Variants in RIPK1 observed in about 807,000 individuals in gnomAD.
RIPK1 encodes the protein receptor interacting serine/threonine kinase 1.
RIPK1 carries 27 observed loss-of-function variants against 62.4 expected under a neutral mutation model. The ratio of observed to expected loss-of-function variants is 0.43; its 90% CI spans 0.32 to 0.60. RIPK1 has a LOEUF of 0.60. RIPK1 is among the 20% of genes least tolerant of loss of function. The pLI, the probability that RIPK1 is intolerant of heterozygous loss-of-function variation, is 0.07. For synonymous variants in RIPK1, 287 were observed against 303.2 expected (o/e 0.95, Z 0.55); for missense variants, 735 against 831.0 (o/e 0.88, Z 1.42).
At chr6:3,112,021 T>C (rs3823098) in intron 10 of RIPK1, among the ~76,000 whole-genome samples, 6,644 of 152,272 alleles carry the variant, frequency 0.044, 305 homozygotes, top group African/African-American at 0.1. Context: ...ATTTTTTTTG[T>C]TGTGGTTGTT....
rs747615900 is a variant in RIPK1, at chr6:3,077,972, T to A, written c.321+37T>A. 1.9e-6 allele frequency: 3 copies of A among 1,607,384 alleles called. No homozygotes were observed. The South Asian group carries it at 3.3e-5, about 18-fold the overall frequency. ...CCCTCCGCACGGGGATCCCCAGCGC[T>A]TGGGCCCTGGCTGTCTGTTATGGCT... On this transcript the variant is annotated intron_variant, in intron 3 of 10. Transcript: ENST00000259808.
At position 3,089,650 on chromosome 6, in the gene RIPK1, G is replaced by A. The variant is rs1249583375; in HGVS notation, c.908G>A (p.Ser303Asn). Reference protein sequence around the residue: ...LEESVEEDVKSLKKEYSNENA... With the variant: ...LEESVEEDVKNLKKEYSNENA... ...GAAAGTGTAGAAGAGGACGTGAAGA[G>A]TTTAAAGGTAGGCAATATAGCAGAT... The change falls in exon 7 of 11, where the codon AGT becomes AAT. Residue 303 changes from serine to asparagine, a missense_variant. This residue lies in a region of RIPK1 where 671 missense variants were observed against 726.2 expected (regional missense o/e 0.92). Coordinates refer to ENST00000259808, the MANE Select transcript of RIPK1 (RefSeq NM_001354930.2). 2 of 1,565,156 alleles carry A rather than the reference G, an allele frequency of 1.3e-6. No homozygotes were observed. The highest frequency in any genetic ancestry group is 3.5e-5 in the Admixed American group (2 of 57,348).
At position 3,083,276 on chromosome 6, in the gene RIPK1, A is replaced by T. The variant is rs1231996273; in HGVS notation, c.651A>T (p.Val217=). ...CGGATGTGTACAGCTTTGCTGTAGT[A>T]CTCTGGGCGATATTTGCAAATAAGG... ...EKSDVYSFAV[V]LWAIFANKEP... Residue 217 remains valine (V), a synonymous_variant, in exon 5 of 11, where the codon GTA becomes GTT. Coordinates refer to ENST00000259808, the MANE Select transcript of RIPK1 (RefSeq NM_001354930.2). The T allele has an allele frequency of 1.9e-6, 3 of 1,613,464 alleles. No homozygotes were observed. The highest frequency in any genetic ancestry group is 2.5e-6 in the Non-Finnish European group (3 of 1,179,994).
rs1264336433 is a variant in RIPK1 at position 3,107,726 on chromosome 6, G to A, written c.1576+1675G>A. Reference sequence around the variant, plus strand: ...CAGACCCTAAACCAATATTTAATGTGTCATTTTTTATCTTTTTTCTACATG... The same window carrying A: ...CAGACCCTAAACCAATATTTAATGTATCATTTTTTATCTTTTTTCTACATG... On this transcript the variant is annotated intron_variant, in intron 9 of 10. Transcript: ENST00000259808. Among the ~76,000 whole-genome samples the A allele has an allele frequency of 2.0e-5, 3 of 152,070 alleles. No homozygotes were observed. The East Asian group carries it at 5.8e-4, about 29-fold the overall frequency.
At chr6:3,073,680 T>C (rs1758887557) in intron 1 of RIPK1, among the ~76,000 whole-genome samples, 1 of 152,196 alleles carries the variant, frequency 6.6e-6, no homozygotes, top group African/African-American at 2.4e-5. Context: ...CTTCCTCCGC[T>C]AGACAGAGCT....
At chr6:3,067,321 A>G (rs946566195), upstream of RIPK1, among the ~76,000 whole-genome samples, 1 of 152,176 alleles carries the variant, frequency 6.6e-6, no homozygotes. Context: ...GAAATTGCCA[A>G]AATGTCTTCC....
In RIPK1 at chr6:3,080,935, T is replaced by C. The variant is rs552491613; in HGVS notation, c.322-44T>C. The C allele has an allele frequency of 1.5e-4, 232 of 1,597,412 alleles. No individual in the cohort carries two copies. The South Asian group carries it at 2.5e-3, about 17-fold the overall frequency. On this transcript the variant is annotated intron_variant, in intron 3 of 10. Transcript: ENST00000259808. ...TCATGAAACAGTTGCTTTGGCCTATTTGATAACCTTTCCATTTCATAGACT... is the reference window on the plus strand; with the variant it reads ...TCATGAAACAGTTGCTTTGGCCTATCTGATAACCTTTCCATTTCATAGACT...
intron 4 of RIPK1, 43 bp from the exon 5 acceptor site, chr6:3,083,042 C>T (rs781331198): frequency 2.0e-5 from 32 of 1,577,812 alleles, no homozygotes; most frequent in Admixed American, 3.3e-5. Flanking sequence ...GATTTGCTTA[C>T]GGCCTTCACC....
In RIPK1 at chr6:3,113,334, A is replaced by G. The variant is rs1761261801; in HGVS notation, c.2011A>G (p.Asn671Asp). Reference sequence around the variant, plus strand: ...GAGCAGCTTGATTTACGTCAGCCAGAACTAACCCTGGATGGGCTACGGCAG... The same window carrying G: ...GAGCAGCTTGATTTACGTCAGCCAGGACTAACCCTGGATGGGCTACGGCAG... ...LLSSLIYVSQ[N>D] is the part of the protein sequence containing the mutation. Residue 671 changes from asparagine (N) to aspartate (D), a missense_variant, in exon 11 of 11, where the codon AAC (asparagine) becomes GAC (aspartate). Coordinates refer to ENST00000259808, the MANE Select transcript of RIPK1 (RefSeq NM_001354930.2). The surrounding 1 kb of genome is among the most constrained non-coding windows in gnomAD (Gnocchi z 5.0). The G allele has an allele frequency of 6.2e-7, 1 of 1,613,060 alleles. No individual in the cohort carries two copies. The highest frequency in any genetic ancestry group is 1.3e-5 in the African/African-American group (1 of 74,922).
intron 7 of RIPK1, among the ~76,000 whole-genome samples, chr6:3,100,073 GA>G (rs1760515662): frequency 6.6e-6 from 1 of 152,110 alleles, no homozygotes; most frequent in South Asian, 2.1e-4. Flanking sequence ...AGCTGTTAGT[GA>G]AAAAAATAAG....
chr6:3,066,137 C>G (rs1758368666), upstream of RIPK1, among the ~76,000 whole-genome samples: 1 of 152,192 alleles, frequency 6.6e-6, no homozygotes, highest in Non-Finnish European at 1.5e-5. Context: ...AATTCTCCCG[C>G]CTCAGCCTCC....
intron 3 of RIPK1, among the ~76,000 whole-genome samples, chr6:3,079,069 C>T (rs1327364323): frequency 1.3e-5 from 2 of 151,584 alleles, no homozygotes; most frequent in Admixed American, 1.3e-4. Context: ...TGAGCCACTG[C>T]ACCCAGCTGT....
chr6:3,089,984 C>G (rs1561761581), intron 7 of RIPK1, among the ~76,000 whole-genome samples: 2 of 152,190 alleles, frequency 1.3e-5, no homozygotes, highest in Non-Finnish European at 2.9e-5. Context: ...AATTATTCTG[C>G]TGAGACATAT....
Position 3,113,324 on chromosome 6 carries a change from C to T in RIPK1, c.2001C>T (p.Tyr667=), listed in dbSNP as rs373199261. 132 of 1,613,744 alleles carry T rather than the reference C, an allele frequency of 8.2e-5. No individual in the cohort carries two copies. The highest frequency in any genetic ancestry group is 4.3e-4 in the South Asian group (39 of 91,056). The part of the protein sequence containing the change: ...SRIDLLSSLI[Y]VSQN The stretch of plus-strand genomic sequence containing the variant: ...TCGACCTTCTGAGCAGCTTGATTTA[C>T]GTCAGCCAGAACTAACCCTGGATGG... Residue 667 remains tyrosine, a synonymous_variant, in exon 11 of 11, where the codon TAC becomes TAT. Coordinates refer to ENST00000259808, the MANE Select transcript of RIPK1 (RefSeq NM_001354930.2). The surrounding 1 kb of genome is among the most constrained non-coding windows in gnomAD (Gnocchi z 5.0).
chr6:3,085,021 T>C (rs1193208263), intron 5 of RIPK1, among the ~76,000 whole-genome samples: 1 of 152,226 alleles, frequency 6.6e-6, no homozygotes, highest in Non-Finnish European at 1.5e-5. Flanking sequence ...GCCCACATAA[T>C]CTTTTTGTTC....
chr6:3,083,234 A>C lies in RIPK1; in HGVS notation c.609A>C (p.Ala203=). 1 of 1,614,042 alleles carries C rather than the reference A, an allele frequency of 6.2e-7. No individual in the cohort carries two copies. Among genetic ancestry groups the C allele is most frequent in the African/African-American group, 1.3e-5 (1 of 75,032 alleles). ...CCGAGCACCTGAATGACGTCAACGC[A>C]AAGCCCACAGAGAAGTCGGATGTGT... ...MAPEHLNDVN[A]KPTEKSDVYS... Residue 203 remains alanine (A), a synonymous_variant, in exon 5 of 11, where the codon GCA becomes GCC. Coordinates refer to ENST00000259808, the MANE Select transcript of RIPK1 (RefSeq NM_001354930.2).
chr6:3,078,697 A>C (rs1581389090), intron 3 of RIPK1, among the ~76,000 whole-genome samples: 1 of 152,382 alleles, frequency 6.6e-6, no homozygotes, highest in South Asian at 2.1e-4. Flanking sequence ...ATTTTAAATT[A>C]AATATAGAAA....
intron 7 of RIPK1, among the ~76,000 whole-genome samples, chr6:3,096,726 A>ATTTT (rs36106254): frequency 7.1e-6 from 1 of 139,982 alleles, no homozygotes; most frequent in African/African-American, 2.7e-5. Context: ...CACCCAGCGA[A>ATTTT]TTTTTTTTTT....
rs1759356340 is a variant in RIPK1, at chr6:3,081,126, C to G, written c.459+10C>G. On this transcript the variant is annotated intron_variant, in intron 4 of 10. Transcript: ENST00000259808. ...TGACTTCCACATTAAGGTAAACCAT[C>G]ATCGGTAGGCTTCCAGAAAGTTGGG... 3.1e-6 allele frequency: 5 copies of G among 1,609,762 alleles called. No individual in the cohort carries two copies. Among genetic ancestry groups the G allele is most frequent in the Non-Finnish European group, 4.2e-6 (5 of 1,178,276 alleles).
Sources: gnomAD v4.1 joint callset for allele counts (sites outside exome capture counted in the v4.1 genomes callset) on GRCh38, gnomAD v4.1.1 for gene constraint, gnomAD v4.1.1 regional missense constraint, Gnocchi (gnomAD v3.1) non-coding constraint, MANE v1.5 for transcripts, NCBI Gene and HGNC (gene_info 2026-07-23, HGNC 2026-07-21) for gene names.